The following OLFM2 variants were observed in gnomAD, a reference collection of about 807,000 sequenced individuals.
The protein encoded by OLFM2 is olfactomedin 2, also known as noelin-2.
In OLFM2, 20 loss-of-function variants were observed where a neutral mutation model predicts 43.9. That is an observed-to-expected ratio of 0.46 (90% CI 0.32 to 0.66). OLFM2 has a LOEUF of 0.66. OLFM2 is among the 30% of genes least tolerant of loss of function. The pLI, the probability that OLFM2 is intolerant of heterozygous loss-of-function variation, is 0.04. For synonymous variants in OLFM2, 268 were observed against 278.6 expected, an observed-to-expected ratio of 0.96 and a Z score of 0.38; for missense variants, 416 against 643.6, an observed-to-expected ratio of 0.65 and a Z score of 3.83.
intron 5 of OLFM2, among the ~76,000 whole-genome samples, chr19:9,855,467 C>G (rs1325326380): frequency 6.6e-6 from 1 of 151,932 alleles, no homozygotes; most frequent in Non-Finnish European, 1.5e-5. Flanking sequence ...TCTCAAACTC[C>G]CGACCTTGTG....
chr19:9,896,091 A>ATTTTTTTT (rs71188854), intron 1 of OLFM2, among the ~76,000 whole-genome samples: 7 of 95,790 alleles, frequency 7.3e-5, no homozygotes, highest in Admixed American at 1.4e-4. Flanking sequence ...CTTTATTTTA[A>ATTTTTTTT]TTTTTTTTTT....
At chr19:9,877,038 T>TTG (rs968937695) in intron 1 of OLFM2, among the ~76,000 whole-genome samples, 5 of 151,764 alleles carry the variant, frequency 3.3e-5, no homozygotes, top group African/African-American at 1.2e-4. Flanking sequence ...GAGACCAGCC[T>TTG]GGCCAACATG....
chr19:9,872,510 G>T (rs952375039), intron 1 of OLFM2, among the ~76,000 whole-genome samples: 2 of 80,430 alleles, frequency 2.5e-5, no homozygotes, highest in Non-Finnish European at 5.1e-5. Context: ...GCGAGACCCT[G>T]TCTCAAAAGA....
intron 1 of OLFM2, among the ~76,000 whole-genome samples, chr19:9,888,883 G>A (rs994144413): frequency 8.6e-5 from 13 of 152,020 alleles, no homozygotes; most frequent in East Asian, 7.8e-4. Flanking sequence ...TGGCTAACAC[G>A]GTGAAACCCC....
At position 9,854,455 on chromosome 19, in the gene OLFM2, G is replaced by A. The variant is rs754949569; in HGVS notation, c.1096C>T (p.Pro366Ser). ...EVMRSWDTGY[P>S]KRSAGEAFMI... ...AAGGCCTCGCCAGCGCTGCGCTTGGGGTAGCCGGTGTCCCAGGACCGCATG... is the reference window on the plus strand; with the variant it reads ...AAGGCCTCGCCAGCGCTGCGCTTGGAGTAGCCGGTGTCCCAGGACCGCATG... The change falls in exon 6 of 6, where the codon CCC becomes TCC. Residue 366 changes from proline to serine, a missense_variant. Physicochemically the swap from Pro to Ser is moderately conservative, Grantham distance 74. Coordinates refer to ENST00000264833, the MANE Select transcript of OLFM2 (RefSeq NM_058164.4). The surrounding 1 kb of genome is among the most constrained non-coding windows in gnomAD (Gnocchi z 9.5). 4 of 1,614,106 alleles carry A rather than the reference G, an allele frequency of 2.5e-6. No homozygotes were observed. The highest frequency in any genetic ancestry group is 2.2e-5 in the East Asian group (1 of 44,878).
At chr19:9,910,880 G>C (rs2046821928) in intron 1 of OLFM2, among the ~76,000 whole-genome samples, 1 of 152,186 alleles carries the variant, frequency 6.6e-6, no homozygotes, top group African/African-American at 2.4e-5. Context: ...TGAGTGAATG[G>C]ATGGAGAGAA....
intron 1 of OLFM2, among the ~76,000 whole-genome samples, chr19:9,890,131 T>A (rs2046625436): frequency 6.6e-6 from 1 of 152,132 alleles, no homozygotes; most frequent in Non-Finnish European, 1.5e-5. Flanking sequence ...TCTTCCAAGC[T>A]GCAGCTGGCA....
intron 1 of OLFM2, among the ~76,000 whole-genome samples, chr19:9,930,187 G>A (rs760972024): frequency 3.0e-4 from 45 of 152,160 alleles, no homozygotes; most frequent in Non-Finnish European, 5.9e-4. Flanking sequence ...ACACATACAC[G>A]CATGACACCA....
intron 1 of OLFM2, among the ~76,000 whole-genome samples, chr19:9,910,913 T>C (rs2144990438): frequency 6.6e-6 from 1 of 152,074 alleles, no homozygotes; most frequent in Middle Eastern, 3.4e-3. Flanking sequence ...GATGAAATAA[T>C]TGATGGATAG....
At chr19:9,908,713 G>A (rs1020416096) in intron 1 of OLFM2, among the ~76,000 whole-genome samples, 2 of 151,534 alleles carry the variant, frequency 1.3e-5, no homozygotes, top group African/African-American at 4.9e-5. Flanking sequence ...TCCTGACCTC[G>A]TGATCTGCCC....
chr19:9,895,593 T>C (rs1211297828), intron 1 of OLFM2, among the ~76,000 whole-genome samples: 1 of 152,128 alleles, frequency 6.6e-6, no homozygotes, highest in Non-Finnish European at 1.5e-5. Context: ...TTCTTGCTAG[T>C]AACTCTACAC....
At position 9,856,909 on chromosome 19, in the gene OLFM2, A is replaced by G. The variant is rs774297197; in HGVS notation, c.585T>C (p.Cys195=). 30 of 1,606,540 alleles carry G rather than the reference A, an allele frequency of 1.9e-5. No individual in the cohort carries two copies. The highest frequency in any genetic ancestry group is 2.5e-5 in the Non-Finnish European group (29 of 1,176,384). The change falls in exon 5 of 6, where the codon TGT becomes TGC. Residue 195 remains cysteine (C), a synonymous_variant. Transcript: ENST00000264833. This position sits in a 1 kb window ranked among gnomAD's most constrained non-coding sequence, Gnocchi z 4.0. ...GGTTACTGACCCCGGTCAGCTTCCCACAGCCTGGGAGGCAGGAACAGGGGG... is the reference window on the plus strand; with the variant it reads ...GGTTACTGACCCCGGTCAGCTTCCCGCAGCCTGGGAGGCAGGAACAGGGGG... ...RLHACAQKLG[C]GKLTGVSNPI... is the part of the protein sequence containing the mutation.
At chr19:9,924,103 C>CAAAAAA (rs1047796253) in intron 1 of OLFM2, among the ~76,000 whole-genome samples, 10 of 20,704 alleles carry the variant, frequency 4.8e-4, no homozygotes, top group African/African-American at 7.8e-4. Context: ...CTCGTCTCTA[C>CAAAAAA]AAAAAAAAAA....
At chr19:9,913,248 CAA>C (rs2046843315) in intron 1 of OLFM2, among the ~76,000 whole-genome samples, 1 of 152,134 alleles carries the variant, frequency 6.6e-6, no homozygotes, top group African/African-American at 2.4e-5. Context: ...ATAATAACAG[CAA>C]GAACCATCCT....
Position 9,854,956 on chromosome 19 carries a change from T to A in OLFM2, c.688-93A>T. The A allele has an allele frequency of 1.0e-6, 1 of 962,954 alleles. No individual in the cohort carries two copies. The highest frequency in any genetic ancestry group is 1.5e-6 in the Non-Finnish European group (1 of 659,734). The allele number at this position is 962,954 out of a possible 1,614,324, so 59.7% of individuals were successfully genotyped here. ...ACAGCCATTAGAGTTCAACAGTCAC[T>A]AAGTGGTCATTAGTCATGGGAACTC... On this transcript the variant is annotated intron_variant, in intron 5 of 5. Coordinates refer to ENST00000264833, the MANE Select transcript of OLFM2 (RefSeq NM_058164.4). The surrounding 1 kb of genome is among the most constrained non-coding windows in gnomAD (Gnocchi z 9.5).
chr19:9,936,238 G>A, intron 1 of OLFM2, 66 bp downstream of exon 1: 1 of 1,502,820 alleles, frequency 6.7e-7, no homozygotes, highest in Non-Finnish European at 8.9e-7. Context: ...GTTTCTCCGG[G>A]AACCCTCCGC....
Position 9,914,116 on chromosome 19 carries a change from G to A in OLFM2, c.63+22188C>T, listed in dbSNP as rs561687991. ...CCCCCTCCCCCTAGGCGGTGTTCCC[G>A]GACCGCCTCCCGCACGCAGACCCTC... On this transcript the variant is annotated intron_variant, in intron 1 of 5. Coordinates refer to ENST00000264833, the MANE Select transcript of OLFM2 (RefSeq NM_058164.4). 5.3e-3 allele frequency among the ~76,000 whole-genome samples: 774 copies of A among 144,934 alleles called. 3 individuals carry two copies. The highest frequency in any genetic ancestry group is 7.9e-3 in the Non-Finnish European group (518 of 65,826).
intron 1 of OLFM2, 115 bp from the exon 2 acceptor site, chr19:9,860,909 A>G (rs2046361718): frequency 9.5e-7 from 1 of 1,056,212 alleles, no homozygotes; most frequent in South Asian, 1.6e-5. Flanking sequence ...GGCTCCGGGC[A>G]TATGCCAGTG....
intron 1 of OLFM2, among the ~76,000 whole-genome samples, chr19:9,904,065 A>C (rs1010871055): frequency 6.6e-6 from 1 of 151,728 alleles, no homozygotes; most frequent in Non-Finnish European, 1.5e-5. Flanking sequence ...CTGGTTGGGC[A>C]TTACACTGAG....
Sources: allele counts gnomAD v4.1 joint callset (sites outside exome capture counted in the v4.1 genomes callset), GRCh38; gene constraint gnomAD v4.1.1; non-coding constraint Gnocchi (gnomAD v3.1); transcripts MANE v1.5; gene names NCBI Gene and HGNC (gene_info 2026-07-23, HGNC 2026-07-21).